SDE2: variants seen among roughly 807,000 people sequenced by gnomAD.
SDE2 encodes the protein splicing regulator SDE2.
Under a neutral mutation model 46.9 loss-of-function variants are expected in SDE2, and 31 were observed. The observed-to-expected ratio is 0.66, with a 90% CI of 0.50 to 0.89. The LOEUF (loss-of-function observed/expected upper bound fraction) is 0.89. SDE2 is among the 40% of genes least tolerant of loss of function. The pLI is 0.00. For synonymous variants in SDE2, 205 were observed against 204.3 expected (o/e 1.00, Z -0.03); for missense variants, 542 against 564.4 (o/e 0.96, Z 0.40).
chr1:225,984,541 T>G lies in SDE2; in HGVS notation c.*761A>C, dbSNP rs1656226918. The G allele has an allele frequency of 6.6e-6, 1 of 152,212 alleles. No individual in the cohort carries two copies. The highest frequency in any genetic ancestry group is 2.1e-4 in the South Asian group (1 of 4,836). The allele number at this position is 152,212 out of a possible 1,614,324, so 9.4% of individuals were successfully genotyped here. A position where few individuals can be genotyped will look rare whatever the true frequency, so the allele number is the denominator to read the frequency against. On this transcript the variant is annotated 3_prime_UTR_variant, in exon 7 of 7. Transcript: ENST00000272091. ...AAGTTATATCGTCGGCCAGGCACGG[T>G]GGCTCACGCCTGTAATCCCAGCACT...
In SDE2 at chr1:225,999,320, A is replaced by G. The variant is rs758051236; in HGVS notation, c.-8T>C. On this transcript the variant is annotated 5_prime_UTR_variant, in exon 1 of 7. Transcript: ENST00000272091. ...CGCCGCGGCCTCCGCCATGTCACCG[A>G]CTACCCGAACCTCAAGCCTCTCTGA... 1 of 1,610,490 alleles carries G rather than the reference A, an allele frequency of 6.2e-7. No individual in the cohort carries two copies. The highest frequency in any genetic ancestry group is 8.5e-7 in the Non-Finnish European group (1 of 1,178,624).
rs974936722 is a variant in SDE2, at chr1:225,983,275, C to A, written c.*2027G>T. ...TATTCACATAAGATAAAGTAGATTT[C>A]AAACCCAAATTACCAGAGACAGAGG... On this transcript the variant is annotated 3_prime_UTR_variant, in exon 7 of 7. Coordinates refer to ENST00000272091, the MANE Select transcript of SDE2 (RefSeq NM_152608.4). 1.3e-5 allele frequency: 2 copies of A among 152,118 alleles called. No homozygotes were observed. The highest frequency in any genetic ancestry group is 4.8e-5 in the African/African-American group (2 of 41,418). The allele number at this position is 152,118 out of a possible 1,614,324, so 9.4% of individuals were successfully genotyped here.
intron 2 of SDE2, among the ~76,000 whole-genome samples, chr1:225,994,789 A>G (rs1288324625): frequency 2.0e-5 from 3 of 152,244 alleles, no homozygotes; most frequent in Non-Finnish European, 4.4e-5. Context: ...AGAGCTATCC[A>G]GCTGAACAAA....
rs748233042 is a variant in SDE2, at chr1:225,992,986, G to A, written c.255C>T (p.Leu85=). The A allele has an allele frequency of 1.2e-6, 2 of 1,608,658 alleles. No individual in the cohort carries two copies. The highest frequency in any genetic ancestry group is 2.2e-5 in the South Asian group (2 of 90,888). ...CGGKGGFGSM[L]RALGAQIEKT... ...TCTCAATCTGAGCACCAAGTGCTCGGAGCATAGATCCAAAACCTGAGCAGA... is the reference window on the plus strand; with the variant it reads ...TCTCAATCTGAGCACCAAGTGCTCGAAGCATAGATCCAAAACCTGAGCAGA... The change falls in exon 3 of 7, where the codon CTC becomes CTT. Residue 85 remains leucine (L), a synonymous_variant. Coordinates refer to ENST00000272091, the MANE Select transcript of SDE2 (RefSeq NM_152608.4).
At chr1:225,992,755 A>C (rs1576176157) in intron 3 of SDE2, 136 bp downstream of exon 3, 1 of 676,724 alleles carries the variant, frequency 1.5e-6, no homozygotes, top group Non-Finnish European at 2.5e-6. Context: ...ATTATGGAAA[A>C]GGTTAAATCT....
rs778858510 is a variant in SDE2 at position 225,992,936 on chromosome 1, C to T, written c.305G>A (p.Arg102Gln). The change falls in exon 3 of 7, where the codon CGG (arginine) becomes CAG (glutamine). Residue 102 changes from arginine (R) to glutamine (Q), a missense_variant. This residue lies in a region of SDE2 where 401 missense variants were observed against 437.8 expected (regional missense o/e 0.92). Transcript: ENST00000272091. Reference sequence around the variant, plus strand: ...GCGTAGTCTCCTTCCACTGAGATCCCGACAAGCTTCTCGATTGGTTGTCTT... The same window carrying T: ...GCGTAGTCTCCTTCCACTGAGATCCTGACAAGCTTCTCGATTGGTTGTCTT... ...IEKTTNREAC[R>Q]DLSGRRLRDV... 19 of 1,613,386 alleles carry T rather than the reference C, an allele frequency of 1.2e-5. No individual in the cohort carries two copies. Among genetic ancestry groups the T allele is most frequent in the Non-Finnish European group, 1.6e-5 (19 of 1,179,540 alleles).
Position 225,985,106 on chromosome 1 carries a change from C to G in SDE2, c.*196G>C. The G allele has an allele frequency of 1.7e-6, 1 of 584,006 alleles. No individual in the cohort carries two copies. The highest frequency in any genetic ancestry group is 3.1e-5 in the Admixed American group (1 of 32,488). 36.2% of individuals were successfully genotyped at this position (584,006 alleles called of 1,614,324 possible). ...ATTTATTAAATACACTATAGAAAAC[C>G]AGACAAAGAAAATTTAAGGCCCAGA... On this transcript the variant is annotated 3_prime_UTR_variant, in exon 7 of 7. Transcript: ENST00000272091.
chr1:225,991,203 G>C lies in SDE2; in HGVS notation c.641+40C>G, dbSNP rs184269689. 1.3e-4 allele frequency: 212 copies of C among 1,595,610 alleles called. No individual in the cohort carries two copies. In the East Asian group the frequency reaches 4.2e-3, roughly 31 times the overall value. On this transcript the variant is annotated intron_variant, in intron 5 of 6. Coordinates refer to ENST00000272091, the MANE Select transcript of SDE2 (RefSeq NM_152608.4). ...AACAAGGAGGAAATGTCTCAAGTCA[G>C]TCCTCAAAGATCAATTGGGAACGAA...
At position 225,988,336 on chromosome 1, in the gene SDE2, C is replaced by A; in HGVS notation, c.694G>T (p.Asp232Tyr). 6.2e-7 allele frequency: 1 copy of A among 1,614,176 alleles called. No homozygotes were observed. The highest frequency in any genetic ancestry group is 8.5e-7 in the Non-Finnish European group (1 of 1,179,998). The part of the protein sequence containing the change: ...TAEGSNSESS[D>Y]DDSEEAPSTS... ...CTTGGTGCTTCTTCACTGTCATCAT[C>A]TGAACTCTCAGAGTTGGACCCTTCT... The change falls in exon 6 of 7, where the codon GAT (aspartate) becomes TAT (tyrosine). Residue 232 changes from aspartate to tyrosine, a missense_variant. Physicochemically the swap from Asp to Tyr is radical, Grantham distance 160. Around this residue, in one of 3 missense-constraint regions of SDE2, gnomAD observed 401 missense variants for 437.8 expected, o/e 0.92. Coordinates refer to ENST00000272091, the MANE Select transcript of SDE2 (RefSeq NM_152608.4).
intron 2 of SDE2, among the ~76,000 whole-genome samples, chr1:225,993,914 C>G (rs181220011): frequency 2.0e-5 from 3 of 147,086 alleles, no homozygotes. Context: ...GGATTACAGG[C>G]GTGTACCGAT....
intron 1 of SDE2, among the ~76,000 whole-genome samples, chr1:225,997,869 G>A (rs1344039865): frequency 6.6e-6 from 1 of 152,182 alleles, no homozygotes; most frequent in East Asian, 1.9e-4. Flanking sequence ...AGTGGCTCAA[G>A]CCTGTAATCC....
In SDE2 at chr1:225,995,262, C is replaced by T. The variant is rs1656495669; in HGVS notation, c.238+4G>A. The T allele has an allele frequency of 2.7e-6, 4 of 1,471,928 alleles. No individual in the cohort carries two copies. Among genetic ancestry groups the T allele is most frequent in the African/African-American group, 2.8e-5 (2 of 72,208 alleles). 91.2% of individuals were successfully genotyped at this position (1,471,928 alleles called of 1,614,324 possible). On this transcript the variant is annotated splice_donor_region_variant and intron_variant, in intron 2 of 6. Coordinates refer to ENST00000272091, the MANE Select transcript of SDE2 (RefSeq NM_152608.4). ...CAACTAAGTAGTCAATGTTCAGGTC[C>T]TACCTCCTTTTCCACCGCAAAGTCT...
intron 6 of SDE2, among the ~76,000 whole-genome samples, chr1:225,986,793 C>T (rs1486016959): frequency 3.3e-5 from 5 of 152,124 alleles, no homozygotes; most frequent in African/African-American, 1.2e-4. Context: ...AGGACCTTAG[C>T]ATAAAAAAAT....
intron 4 of SDE2, 66 bp from the exon 5 acceptor site, chr1:225,991,429 C>T (rs915552394): frequency 7.5e-7 from 1 of 1,336,422 alleles, no homozygotes; most frequent in African/African-American, 1.5e-5. Flanking sequence ...TCATAAATAA[C>T]ATGGATTGCA....
chr1:225,995,769 C>A (rs758220918), intron 1 of SDE2, among the ~76,000 whole-genome samples: 2 of 152,070 alleles, frequency 1.3e-5, no homozygotes, highest in African/African-American at 2.4e-5. Context: ...AAAAGTAGTC[C>A]TCAATCCTAA....
At chr1:225,997,676 C>T (rs1656559295) in intron 1 of SDE2, among the ~76,000 whole-genome samples, 1 of 152,166 alleles carries the variant, frequency 6.6e-6, no homozygotes, top group African/African-American at 2.4e-5. Flanking sequence ...GGTGATCTGC[C>T]CGCCTCGACC....
At chr1:225,986,547 T>C (rs1656275336) in intron 6 of SDE2, among the ~76,000 whole-genome samples, 1 of 152,192 alleles carries the variant, frequency 6.6e-6, no homozygotes, top group Non-Finnish European at 1.5e-5. Context: ...CCTTGGCTTA[T>C]TTATGACCAA....
rs1347073641 is a variant in SDE2, at chr1:225,988,817, C to T, written c.642-429G>A. On this transcript the variant is annotated intron_variant, in intron 5 of 6. Transcript: ENST00000272091. ...CTTGAGATGGAGAACAGGCAAATTT[C>T]GGAAAAAGATATTCTAGAGCTTATA... Among the ~76,000 whole-genome samples the T allele has an allele frequency of 3.3e-5, 5 of 152,178 alleles. No homozygotes were observed. The East Asian group carries it at 9.6e-4, about 29-fold the overall frequency.
intron 4 of SDE2, 108 bp from the exon 5 acceptor site, chr1:225,991,471 A>C: frequency 2.6e-6 from 2 of 784,262 alleles, no homozygotes; most frequent in Non-Finnish European, 4.0e-6. Flanking sequence ...TCCAGATTTA[A>C]ATTTCTTAAG....
Sources: gnomAD v4.1 joint callset for allele counts (sites outside exome capture counted in the v4.1 genomes callset) on GRCh38, gnomAD v4.1.1 for gene constraint, gnomAD v4.1.1 regional missense constraint, MANE v1.5 for transcripts, NCBI Gene and HGNC (gene_info 2026-07-23, HGNC 2026-07-21) for gene names.